The following KANK1 variants were observed in gnomAD, a reference collection of about 807,000 sequenced individuals.
KANK1 encodes the protein KN motif and ankyrin repeat domains 1, also known as KN motif and ankyrin repeat domain-containing protein 1.
In KANK1, 109 loss-of-function variants were observed where a neutral mutation model predicts 106.2. The observed-to-expected ratio is 1.03, with a 90% CI of 0.88 to 1.20. The LOEUF (loss-of-function observed/expected upper bound fraction) is 1.20. Ranked by LOEUF, KANK1 falls within the 50% of genes most tolerant of loss-of-function variation. The pLI is 0.00. For synonymous variants in KANK1, 873 were observed against 652.2 expected, an observed-to-expected ratio of 1.34 and a Z score of -5.16; for missense variants, 2,399 against 1,710.7, an observed-to-expected ratio of 1.40 and a Z score of -7.10.
chr9:544,880 A>G (rs1333914978), intron 1 of KANK1, among the ~76,000 whole-genome samples: 1 of 152,124 alleles, frequency 6.6e-6, no homozygotes, highest in Non-Finnish European at 1.5e-5. Flanking sequence ...CTTTATCTCA[A>G]GAGTTGTGGG....
chr9:683,304 T>G (rs1817931219), intron 2 of KANK1, among the ~76,000 whole-genome samples: 1 of 152,190 alleles, frequency 6.6e-6, no homozygotes, highest in East Asian at 1.9e-4. Flanking sequence ...CTCCCATAAG[T>G]AGTGTGTTGG....
intron 1 of KANK1, among the ~76,000 whole-genome samples, chr9:666,421 C>G (rs1844597681): frequency 6.6e-6 from 1 of 151,676 alleles, no homozygotes; most frequent in Non-Finnish European, 1.5e-5. Context: ...TTCTTTCTTT[C>G]CAATATGAAC....
At chr9:688,478 C>G (rs1162429292) in intron 2 of KANK1, among the ~76,000 whole-genome samples, 1 of 151,952 alleles carries the variant, frequency 6.6e-6, no homozygotes, top group Non-Finnish European at 1.5e-5. Context: ...TCGCAGCGGG[C>G]ACCTGTAATC....
chr9:664,591 G>C (rs568898443), intron 1 of KANK1, among the ~76,000 whole-genome samples: 2 of 152,204 alleles, frequency 1.3e-5, no homozygotes, highest in East Asian at 3.9e-4. Flanking sequence ...GGACACTTAG[G>C]TTGATTCCAT....
intron 1 of KANK1, among the ~76,000 whole-genome samples, chr9:532,170 C>G (rs1033885084): frequency 2.0e-5 from 3 of 150,342 alleles, no homozygotes; most frequent in Admixed American, 2.0e-4. Flanking sequence ...TAACGGTGAA[C>G]AGAGATTTAA....
In KANK1 at chr9:695,609, G is replaced by A. The variant is rs552041891; in HGVS notation, c.38-15195G>A. On this transcript the variant is annotated intron_variant, in intron 2 of 11. Coordinates refer to ENST00000382297, the MANE Select transcript of KANK1 (RefSeq NM_015158.5). The stretch of plus-strand genomic sequence containing the variant: ...CAAATACCTTAAACCCTGACTTCGT[G>A]GGGGGGGGGGCAAGGTATAGAGGAG... Among the ~76,000 whole-genome samples, 59 of 146,148 alleles carry A rather than the reference G, an allele frequency of 4.0e-4. No homozygotes were observed. The East Asian group carries it at 0.012, about 29-fold the overall frequency.
intron 3 of KANK1, among the ~76,000 whole-genome samples, chr9:725,475 T>C (rs1363747180): frequency 7.2e-6 from 1 of 137,992 alleles, no homozygotes; most frequent in Non-Finnish European, 1.5e-5. Flanking sequence ...CCAGCCTGGG[T>C]GACAGAGCAA....
intron 1 of KANK1, among the ~76,000 whole-genome samples, chr9:646,435 C>G (rs1839683046): frequency 6.6e-6 from 1 of 151,064 alleles, no homozygotes; most frequent in African/African-American, 2.5e-5. Context: ...AAAAGCTAAG[C>G]TTTCCCAATG....
At chr9:670,629 G>C (rs1301164156) in intron 1 of KANK1, among the ~76,000 whole-genome samples, 1 of 152,144 alleles carries the variant, frequency 6.6e-6, no homozygotes, top group Non-Finnish European at 1.5e-5. Flanking sequence ...CACCCACTCT[G>C]ATTTGGCGTC....
chr9:734,933 A>G (rs1284708425), intron 7 of KANK1, 98 bp downstream of exon 7: 7 of 840,322 alleles, frequency 8.3e-6, no homozygotes, highest in African/African-American at 6.8e-5. Flanking sequence ...TGTTGCTTGC[A>G]TGCTTTTCTC....
At chr9:725,473 G>A (rs1303929007) in intron 3 of KANK1, among the ~76,000 whole-genome samples, 1 of 147,264 alleles carries the variant, frequency 6.8e-6, no homozygotes, top group Admixed American at 6.9e-5. Context: ...CTCCAGCCTG[G>A]GTGACAGAGC....
chr9:501,538 C>G (rs749754716), upstream of KANK1, among the ~76,000 whole-genome samples: 6 of 151,842 alleles, frequency 4.0e-5, no homozygotes, highest in Non-Finnish European at 5.9e-5. Flanking sequence ...TCAGTGTGAG[C>G]AAATCTATTC....
chr9:491,519 G>A (rs983938219), intron 3 of KANK1, among the ~76,000 whole-genome samples: 32 of 151,900 alleles, frequency 2.1e-4, no homozygotes, highest in African/African-American at 7.0e-4. Flanking sequence ...CACCCTCCTC[G>A]GCCCCCCAAA....
At chr9:692,897 G>T (rs781054978) in intron 2 of KANK1, among the ~76,000 whole-genome samples, 2 of 152,130 alleles carry the variant, frequency 1.3e-5, no homozygotes, top group Non-Finnish European at 2.9e-5. Flanking sequence ...TGCTACTCTG[G>T]AGGCTGAGGT....
chr9:591,320 G>A (rs1314336400), intron 1 of KANK1, among the ~76,000 whole-genome samples: 3 of 151,812 alleles, frequency 2.0e-5, no homozygotes, highest in Admixed American at 1.3e-4. Flanking sequence ...TAACTAGGAA[G>A]TAAGAATGCC....
At chr9:475,069 G>A (rs1482746372) in intron 3 of KANK1, among the ~76,000 whole-genome samples, 2 of 152,142 alleles carry the variant, frequency 1.3e-5, no homozygotes, top group African/African-American at 4.8e-5. Context: ...CCAGGGAAAG[G>A]CAGTCTCCAA....
chr9:712,703 C>T lies in KANK1; in HGVS notation c.1937C>T (p.Ala646Val), dbSNP rs1264845214. Reference sequence around the variant, plus strand: ...ACCGTCTGCTCTCCAAAGGAGTGCGCCTCCCGGGGCGTGAACACTGAGGCT... The same window carrying T: ...ACCGTCTGCTCTCCAAAGGAGTGCGTCTCCCGGGGCGTGAACACTGAGGCT... ...DVTVCSPKEC[A>V]SRGVNTEAVS... Residue 646 changes from alanine to valine, a missense_variant, in exon 3 of 12, where the codon GCC becomes GTC. By Grantham distance (64) the Ala-to-Val change is moderately conservative (BLOSUM62 0). Coordinates refer to ENST00000382297, the MANE Select transcript of KANK1 (RefSeq NM_015158.5). 3 of 1,614,020 alleles carry T rather than the reference C, an allele frequency of 1.9e-6. No individual in the cohort carries two copies. The highest frequency in any genetic ancestry group is 2.5e-6 in the Non-Finnish European group (3 of 1,179,962).
At chr9:518,410 G>GTT (rs1417618295) in intron 1 of KANK1, among the ~76,000 whole-genome samples, 1 of 151,574 alleles carries the variant, frequency 6.6e-6, no homozygotes, top group Non-Finnish European at 1.5e-5. Flanking sequence ...GCCCAGGGCA[G>GTT]TTTTTACTTT....
At chr9:676,664 T>C (rs1315000052) in intron 1 of KANK1, among the ~76,000 whole-genome samples, 3 of 152,172 alleles carry the variant, frequency 2.0e-5, no homozygotes, top group Non-Finnish European at 4.4e-5. Flanking sequence ...TCCCATAGAT[T>C]ATTATGTGTA....
Sources: gnomAD v4.1 joint callset for allele counts (sites outside exome capture counted in the v4.1 genomes callset) on GRCh38, gnomAD v4.1.1 for gene constraint, MANE v1.5 for transcripts, NCBI Gene and HGNC (gene_info 2026-07-23, HGNC 2026-07-21) for gene names.